Variants in PPP2R5E observed in about 807,000 individuals in gnomAD.
PPP2R5E encodes the protein serine/threonine-protein phosphatase 2A 56 kDa regulatory subunit epsilon isoform.
In PPP2R5E, 4 loss-of-function variants were observed where a neutral mutation model predicts 65.3. That is an observed-to-expected ratio of 0.06 (90% CI 0.03 to 0.14). PPP2R5E has a LOEUF of 0.14. Ranked by LOEUF, PPP2R5E falls within the 10% of genes least tolerant of loss-of-function variation. PPP2R5E has a pLI of 1.00. For missense variants in PPP2R5E, 274 were observed against 556.1 expected (o/e 0.49, Z 5.10); for synonymous variants, 183 against 187.4 (o/e 0.98, Z 0.19).
At chr14:63,519,155 A>G (rs1202735973) in intron 2 of PPP2R5E, among the ~76,000 whole-genome samples, 1 of 152,138 alleles carries the variant, frequency 6.6e-6, no homozygotes, top group African/African-American at 2.4e-5. Flanking sequence ...CAGAGGTTGC[A>G]GTGAGCCAAG....
chr14:63,539,755 T>C (rs1893813776), intron 1 of PPP2R5E, 63 bp from the exon 2 acceptor site: 26 of 1,455,886 alleles, frequency 1.8e-5, no homozygotes, highest in Non-Finnish European at 2.1e-5. Context: ...ATGTGAGTTA[T>C]ACAAATTCTA....
intron 2 of PPP2R5E, among the ~76,000 whole-genome samples, chr14:63,523,085 G>T (rs1302729029): frequency 7.0e-6 from 1 of 142,860 alleles, no homozygotes; most frequent in South Asian, 2.3e-4. Context: ...GGAGGGAGGT[G>T]GGGGGGTCAG....
intron 2 of PPP2R5E, among the ~76,000 whole-genome samples, chr14:63,489,750 T>A (rs531298099): frequency 6.6e-6 from 1 of 152,046 alleles, no homozygotes. Flanking sequence ...AGCTTCCTGA[T>A]GACACCAAGA....
intron 3 of PPP2R5E, among the ~76,000 whole-genome samples, chr14:63,447,442 A>G (rs60817374): frequency 0.017 from 2,607 of 152,284 alleles, 75 homozygotes; most frequent in African/African-American, 0.06. Flanking sequence ...TTACTGTCCA[A>G]CTTTTCTTCT....
chr14:63,411,861 A>G (rs1297150947), intron 5 of PPP2R5E, among the ~76,000 whole-genome samples: 1 of 152,132 alleles, frequency 6.6e-6, no homozygotes, highest in African/African-American at 2.4e-5. Context: ...TTTTCTTCAT[A>G]AATTACCCAG....
At chr14:63,391,497 A>T (rs1208248947) in intron 10 of PPP2R5E, among the ~76,000 whole-genome samples, 1 of 152,144 alleles carries the variant, frequency 6.6e-6, no homozygotes, top group Non-Finnish European at 1.5e-5. Context: ...ATCTCGGCTC[A>T]CTGCAAACTT....
At chr14:63,460,555 G>A (rs752424377) in intron 2 of PPP2R5E, among the ~76,000 whole-genome samples, 1 of 152,122 alleles carries the variant, frequency 6.6e-6, no homozygotes, top group Non-Finnish European at 1.5e-5. Flanking sequence ...AAATATTCAC[G>A]TTTTAAAACT....
chr14:63,472,930 G>A (rs1890203218), intron 2 of PPP2R5E, among the ~76,000 whole-genome samples: 1 of 152,208 alleles, frequency 6.6e-6, no homozygotes, highest in Non-Finnish European at 1.5e-5. Context: ...GGGCTGAAGG[G>A]AGGCAATCAA....
At position 63,533,270 on chromosome 14, in the gene PPP2R5E, G is replaced by T. The variant is rs1334962245; in HGVS notation, c.157+6259C>A. On this transcript the variant is annotated intron_variant, in intron 2 of 13. Coordinates refer to ENST00000337537, the MANE Select transcript of PPP2R5E (RefSeq NM_006246.5). ...GACGAAAAAGGCAATCATTAAAAAGGCACGAAAACGGCCGGGCACGGTGGC... is the reference window on the plus strand; with the variant it reads ...GACGAAAAAGGCAATCATTAAAAAGTCACGAAAACGGCCGGGCACGGTGGC... 2.7e-5 allele frequency among the ~76,000 whole-genome samples: 4 copies of T among 149,446 alleles called. No homozygotes were observed. The East Asian group carries it at 6.0e-4, about 22-fold the overall frequency.
chr14:63,506,857 A>G (rs1489649983), intron 2 of PPP2R5E, among the ~76,000 whole-genome samples: 5 of 152,242 alleles, frequency 3.3e-5, no homozygotes, highest in Non-Finnish European at 5.9e-5. Flanking sequence ...TGTTCATAAC[A>G]GCATTATCCA....
intron 3 of PPP2R5E, among the ~76,000 whole-genome samples, chr14:63,431,183 G>A (rs1018147129): frequency 6.6e-6 from 1 of 151,752 alleles, no homozygotes; most frequent in Non-Finnish European, 1.5e-5. Context: ...CAGGAGAATT[G>A]CTTGAACCCA....
At chr14:63,443,200 C>T (rs115356852) in intron 3 of PPP2R5E, among the ~76,000 whole-genome samples, 2,523 of 152,104 alleles carry the variant, frequency 0.017, 60 homozygotes, top group African/African-American at 0.057. Flanking sequence ...CAAGAAACAA[C>T]GTAACGAACT....
chr14:63,383,560 A>G (rs1486627088), intron 12 of PPP2R5E, among the ~76,000 whole-genome samples: 1 of 152,190 alleles, frequency 6.6e-6, no homozygotes, highest in Non-Finnish European at 1.5e-5. Flanking sequence ...TCAGCTCCTT[A>G]TTTTTACAAG....
intron 2 of PPP2R5E, among the ~76,000 whole-genome samples, chr14:63,497,717 C>T (rs1475190208): frequency 6.6e-6 from 1 of 151,562 alleles, no homozygotes; most frequent in Non-Finnish European, 1.5e-5. Flanking sequence ...CAGTGTGCTC[C>T]AGCCTGGGCG....
intron 5 of PPP2R5E, among the ~76,000 whole-genome samples, chr14:63,413,508 A>C (rs1057099532): frequency 5.3e-5 from 8 of 152,168 alleles, no homozygotes; most frequent in African/African-American, 1.7e-4. Context: ...CAAACTTGAT[A>C]ATCTTTCTAG....
chr14:63,505,814 C>T (rs1343752805), intron 2 of PPP2R5E, among the ~76,000 whole-genome samples: 1 of 152,152 alleles, frequency 6.6e-6, no homozygotes, highest in Non-Finnish European at 1.5e-5. Context: ...ATAGTAGACA[C>T]AGCACCTGCC....
intron 2 of PPP2R5E, among the ~76,000 whole-genome samples, chr14:63,466,746 T>A (rs1343085766): frequency 6.6e-6 from 1 of 152,160 alleles, no homozygotes; most frequent in Non-Finnish European, 1.5e-5. Flanking sequence ...CTTACAAGTG[T>A]GTACTTACGT....
chr14:63,479,062 G>C (rs894966209), intron 2 of PPP2R5E, among the ~76,000 whole-genome samples: 1 of 152,230 alleles, frequency 6.6e-6, no homozygotes, highest in Non-Finnish European at 1.5e-5. Flanking sequence ...CCAGGAGAAG[G>C]AGGTTGCAGT....
chr14:63,532,402 G>A (rs1893472196), intron 2 of PPP2R5E, among the ~76,000 whole-genome samples: 1 of 152,136 alleles, frequency 6.6e-6, no homozygotes, highest in South Asian at 2.1e-4. Context: ...AACTCTCCAG[G>A]TGAAGATGTT....
Sources: allele counts gnomAD v4.1 joint callset (sites outside exome capture counted in the v4.1 genomes callset), GRCh38; gene constraint gnomAD v4.1.1; transcripts MANE v1.5; gene names NCBI Gene and HGNC (gene_info 2026-07-23, HGNC 2026-07-21).